The following NAP1L4 variants were observed in gnomAD, a reference collection of about 807,000 sequenced individuals.
NAP1L4 encodes nucleosome assembly protein 1 like 4, also known as nucleosome assembly protein 1-like 4.
Under a neutral mutation model 58.2 loss-of-function variants are expected in NAP1L4, and 15 were observed. The observed-to-expected ratio is 0.26, with a 90% CI of 0.17 to 0.40. The LOEUF is 0.40. Ranked by LOEUF, NAP1L4 falls within the 10% of genes least tolerant of loss-of-function variation. The pLI is 1.00. For synonymous variants in NAP1L4, 171 were observed against 155.6 expected (o/e 1.10, Z -0.74); for missense variants, 384 against 451.1 (o/e 0.85, Z 1.35).
At chr11:2,986,258 C>A (rs1848609203) in intron 1 of NAP1L4, among the ~76,000 whole-genome samples, 2 of 151,932 alleles carry the variant, frequency 1.3e-5, no homozygotes, top group Admixed American at 1.3e-4. Flanking sequence ...CCTGAGGTCC[C>A]AGCTACTCAG....
At chr11:2,958,369 A>G (rs764544214) in intron 10 of NAP1L4, 30 bp downstream of exon 10, 1 of 1,611,134 alleles carries the variant, frequency 6.2e-7, no homozygotes, top group Non-Finnish European at 8.5e-7. Flanking sequence ...ATATAAGAAC[A>G]TAATGAATAT....
chr11:2,969,952 C>T lies in NAP1L4; in HGVS notation c.403-18G>A. ...ATGTCTCCCTAAAAAAAAGATGCAA[C>T]ATAGGTAACGAAAATAAAAGTTTAC... On this transcript the variant is annotated intron_variant, in intron 6 of 15. Transcript: ENST00000380542. 1.2e-6 allele frequency: 2 copies of T among 1,601,574 alleles called. No individual in the cohort carries two copies. The highest frequency in any genetic ancestry group is 2.3e-5 in the South Asian group (2 of 88,872).
rs66494210 is a variant in NAP1L4 at position 2,986,626 on chromosome 11, A to ATTT, written c.-18+5625_-18+5627dup. On this transcript the variant is annotated intron_variant, in intron 1 of 15. Coordinates refer to ENST00000380542, the MANE Select transcript of NAP1L4 (RefSeq NM_005969.4). Reference sequence around the variant, plus strand: ...CCTACAAAATTAGGGATGGTAGTAAATTTTTTTTTTTTTTTTTGAGATAGA... The same window carrying ATTT: ...CCTACAAAATTAGGGATGGTAGTAAATTTTTTTTTTTTTTTTTTTTGAGATAGA... Among the ~76,000 whole-genome samples the ATTT allele has an allele frequency of 5.0e-3, 705 of 139,724 alleles. 11 individuals carry two copies. Among genetic ancestry groups the ATTT allele is most frequent in the African/African-American group, 0.017 (630 of 37,598 alleles). 91.7% of individuals were successfully genotyped at this position (139,724 alleles called of 152,430 possible).
Position 2,955,469 on chromosome 11 carries a change from G to A in NAP1L4, c.915+275C>T, listed in dbSNP as rs1370523001. ...GATCCACCCACCTTGGCCTCCCACA[G>A]TGCTGGTATTACGGGCGTGAACCAC... is the stretch of plus-strand genomic sequence containing the variant. On this transcript the variant is annotated intron_variant, in intron 11 of 15. Transcript: ENST00000380542. This position sits in a 1 kb window ranked among gnomAD's most constrained non-coding sequence, Gnocchi z 4.2. 6.6e-6 allele frequency among the ~76,000 whole-genome samples: 1 copy of A among 151,934 alleles called. No homozygotes were observed. The highest frequency in any genetic ancestry group is 2.4e-5 in the African/African-American group (1 of 41,338).
In NAP1L4 at chr11:2,992,272, G is replaced by A; in HGVS notation, c.-36C>T. On this transcript the variant is annotated 5_prime_UTR_variant, in exon 1 of 16. Coordinates refer to ENST00000380542, the MANE Select transcript of NAP1L4 (RefSeq NM_005969.4). The stretch of plus-strand genomic sequence containing the variant: ...TCCGCACCTCACGCCTCCTGCGGCA[G>A]TGGCGGCGACCCTAGCTTCGCTCGC... 6.6e-6 allele frequency: 1 copy of A among 152,446 alleles called. No homozygotes were observed. The highest frequency in any genetic ancestry group is 2.0e-4 in the South Asian group (1 of 5,070). The allele number at this position is 152,446 out of a possible 1,614,324, so 9.4% of individuals were successfully genotyped here. A position where few individuals can be genotyped will look rare whatever the true frequency, so the allele number is the denominator to read the frequency against.
At chr11:2,965,784 C>T (rs895612730) in intron 7 of NAP1L4, among the ~76,000 whole-genome samples, 20 of 152,314 alleles carry the variant, frequency 1.3e-4, no homozygotes, top group Admixed American at 5.9e-4. Context: ...CCCACCTCGG[C>T]CTCCCAAAGT....
Position 2,969,894 on chromosome 11 carries a change from G to A in NAP1L4, c.443C>T (p.Ala148Val), listed in dbSNP as rs118104064. 4.8e-5 allele frequency: 77 copies of A among 1,613,432 alleles called. 1 individual carries two copies. The East Asian group carries it at 1.4e-3, about 30-fold the overall frequency. ...GGGATCTGGCTCTTCAGCCGTTGCC[G>A]CTGCTTTTTCTGTGACGACTACTTT... Reference protein sequence around the residue: ...KSKVVVTEKAAATAEEPDPKG... With the variant: ...KSKVVVTEKAVATAEEPDPKG... The change falls in exon 7 of 16, where the codon GCG (alanine) becomes GTG (valine). Residue 148 changes from alanine (A) to valine (V), a missense_variant. By Grantham distance (64) the Ala-to-Val change is moderately conservative. Coordinates refer to ENST00000380542, the MANE Select transcript of NAP1L4 (RefSeq NM_005969.4).
In NAP1L4 at chr11:2,945,601, C is replaced by T; in HGVS notation, c.*78G>A. The T allele has an allele frequency of 9.8e-6, 15 of 1,536,072 alleles. No individual in the cohort carries two copies. The highest frequency in any genetic ancestry group is 1.3e-5 in the Non-Finnish European group (15 of 1,146,874). On this transcript the variant is annotated 3_prime_UTR_variant, in exon 16 of 16. Coordinates refer to ENST00000380542, the MANE Select transcript of NAP1L4 (RefSeq NM_005969.4). ...CAGCCGGTCTGCCAGGCACCCGCCT[C>T]CGCTTCCTACTGCTGCTTGCATTCC... is the stretch of plus-strand genomic sequence containing the variant.
rs935660187 is a variant in NAP1L4 at position 2,971,612 on chromosome 11, T to C, written c.316-78A>G. The C allele has an allele frequency of 1.7e-6, 2 of 1,169,246 alleles. No individual in the cohort carries two copies. Among genetic ancestry groups the C allele is most frequent in the Non-Finnish European group, 1.2e-6 (1 of 813,300 alleles). 72.4% of individuals were successfully genotyped at this position (1,169,246 alleles called of 1,614,324 possible). A position where few individuals can be genotyped will look rare whatever the true frequency, so the allele number is the denominator to read the frequency against. On this transcript the variant is annotated intron_variant, in intron 5 of 15. Coordinates refer to ENST00000380542, the MANE Select transcript of NAP1L4 (RefSeq NM_005969.4). The surrounding 1 kb of genome is among the most constrained non-coding windows in gnomAD (Gnocchi z 4.2). ...TCAAGAGTTAAATTTATAAATAATG[T>C]CTACTAAAAGACTTTGAAAACTGGA...
At chr11:2,953,586 A>G (rs1050233363) in intron 12 of NAP1L4, among the ~76,000 whole-genome samples, 1 of 152,250 alleles carries the variant, frequency 6.6e-6, no homozygotes, top group African/African-American at 2.4e-5. Context: ...CTGACCTGCA[A>G]TCACCTCCCA....
At chr11:2,966,224 C>T (rs889065755) in intron 7 of NAP1L4, among the ~76,000 whole-genome samples, 2 of 152,176 alleles carry the variant, frequency 1.3e-5, no homozygotes, top group Non-Finnish European at 2.9e-5. Context: ...GACACAGTGA[C>T]ATTTTGATGC....
chr11:2,988,854 C>G (rs574280569), intron 1 of NAP1L4, among the ~76,000 whole-genome samples: 2 of 152,160 alleles, frequency 1.3e-5, no homozygotes, highest in Non-Finnish European at 2.9e-5. Context: ...TGTTTTCATA[C>G]TATAAAAACA....
chr11:2,975,645 GT>G (rs879711008), intron 4 of NAP1L4, among the ~76,000 whole-genome samples: 37 of 146,570 alleles, frequency 2.5e-4, no homozygotes, highest in African/African-American at 4.0e-4. Flanking sequence ...ACTATGCCCA[GT>G]TTTTTTTTTT....
At position 2,971,781 on chromosome 11, in the gene NAP1L4, C is replaced by T. The variant is rs971209342; in HGVS notation, c.316-247G>A. Among the ~76,000 whole-genome samples the T allele has an allele frequency of 2.6e-5, 4 of 152,192 alleles. No individual in the cohort carries two copies. The highest frequency in any genetic ancestry group is 9.7e-5 in the African/African-American group (4 of 41,442). On this transcript the variant is annotated intron_variant, in intron 5 of 15. Coordinates refer to ENST00000380542, the MANE Select transcript of NAP1L4 (RefSeq NM_005969.4). This position sits in a 1 kb window ranked among gnomAD's most constrained non-coding sequence, Gnocchi z 4.2. ...TTCCAATGGTTCAGCTAAAGATTTT[C>T]AACTTCCTGATGGTGCAGAAGCCAT...
At chr11:2,956,001 T>C (rs905235538) in intron 10 of NAP1L4, among the ~76,000 whole-genome samples, 1 of 148,450 alleles carries the variant, frequency 6.7e-6, no homozygotes, top group Admixed American at 6.7e-5. Flanking sequence ...TCCTCCATCA[T>C]GTGCCATGGG....
At chr11:2,990,870 GTTACTA>G in intron 1 of NAP1L4, 1 of 328,044 alleles carries the variant, frequency 3.0e-6, no homozygotes. Flanking sequence ...TAGAGGTATA[GTTACTA>G]TTACAGGAAG....
At chr11:2,981,467 T>C (rs1055494437) in intron 1 of NAP1L4, among the ~76,000 whole-genome samples, 30 of 139,168 alleles carry the variant, frequency 2.2e-4, no homozygotes, top group African/African-American at 7.5e-4. Context: ...CTACAATGGC[T>C]GGCTATGCTC....
intron 1 of NAP1L4, chr11:2,988,153 A>C (rs1392616357): frequency 6.6e-6 from 1 of 152,216 alleles, no homozygotes; most frequent in African/African-American, 2.4e-5. Context: ...AAAGCAAAAA[A>C]TGATTTCCTT....
intron 1 of NAP1L4, among the ~76,000 whole-genome samples, chr11:2,982,872 T>C (rs567608352): frequency 1.2e-4 from 19 of 152,100 alleles, no homozygotes; most frequent in Admixed American, 7.2e-4. Context: ...AATACAAAAA[T>C]TAGCTGGGCA....
Sources: gnomAD v4.1 joint callset for allele counts (sites outside exome capture counted in the v4.1 genomes callset) on GRCh38, gnomAD v4.1.1 for gene constraint, Gnocchi (gnomAD v3.1) non-coding constraint, MANE v1.5 for transcripts, NCBI Gene and HGNC (gene_info 2026-07-23, HGNC 2026-07-21) for gene names.